Variants in PDE4D observed in about 807,000 individuals in gnomAD.
The protein encoded by PDE4D is 3',5'-cyclic-AMP phosphodiesterase 4D.
PDE4D carries 24 observed loss-of-function variants against 87.4 expected under a neutral mutation model. The ratio of observed to expected loss-of-function variants is 0.27; its 90% CI spans 0.20 to 0.39. The LOEUF (loss-of-function observed/expected upper bound fraction) is 0.39. PDE4D is among the 10% of genes least tolerant of loss of function. The pLI is 1.00. For missense variants in PDE4D, 714 were observed against 1,041.0 expected, an observed-to-expected ratio of 0.69 and a Z score of 4.32; for synonymous variants, 384 against 383.2, an observed-to-expected ratio of 1.00 and a Z score of -0.02.
chr5:59,756,001 T>C lies in PDE4D; in HGVS notation c.455+137167A>G, dbSNP rs1345187000. On this transcript the variant is annotated intron_variant, in intron 1 of 14. Coordinates refer to ENST00000340635, the MANE Select transcript of PDE4D (RefSeq NM_001104631.2). ...TCAAATTACTGCAATTTAAAAATGA[T>C]ATATATAATATTTAACTGTATAAAA... is the stretch of plus-strand genomic sequence containing the variant. Among the ~76,000 whole-genome samples, 4 of 151,520 alleles carry C rather than the reference T, an allele frequency of 2.6e-5. No homozygotes were observed. In the East Asian group the frequency reaches 7.7e-4, roughly 29 times the overall value.
intron 1 of PDE4D, among the ~76,000 whole-genome samples, chr5:59,460,864 G>A (rs915182849): frequency 1.3e-5 from 2 of 152,126 alleles, no homozygotes; most frequent in Non-Finnish European, 2.9e-5. Flanking sequence ...ATGCAGGGTC[G>A]GGGTGGTACA....
intron 1 of PDE4D, among the ~76,000 whole-genome samples, chr5:59,260,664 A>G (rs910069097): frequency 6.6e-5 from 10 of 151,824 alleles, no homozygotes; most frequent in African/African-American, 2.4e-4. Flanking sequence ...TCAGGAAATT[A>G]CTAACAATTT....
At chr5:59,307,887 T>C (rs1028217178) in intron 1 of PDE4D, among the ~76,000 whole-genome samples, 1 of 152,004 alleles carries the variant, frequency 6.6e-6, no homozygotes, top group Non-Finnish European at 1.5e-5. Context: ...CTATAAATCA[T>C]GCTGCTATAA....
rs796376607 is a variant in PDE4D at position 59,124,985 on chromosome 5, C to CT, written c.808+55609dup. On this transcript the variant is annotated intron_variant, in intron 5 of 14. Transcript: ENST00000340635. ...GGGTACATTTCTTTTCTTTTCTTTT[C>CT]TTTTTTTTTCAAATTAATTCCAAAA... Among the ~76,000 whole-genome samples the CT allele has an allele frequency of 1.7e-3, 229 of 134,894 alleles. 4 individuals are homozygous for CT. In the South Asian group the frequency reaches 0.038, roughly 22 times the overall value. The allele number at this position is 134,894 out of a possible 152,430, so 88.5% of individuals were successfully genotyped here. A position where few individuals can be genotyped will look rare whatever the true frequency, so the allele number is the denominator to read the frequency against.
At chr5:60,294,151 G>A (rs1753169150) in intron 1 of PDE4D, among the ~76,000 whole-genome samples, 1 of 152,086 alleles carries the variant, frequency 6.6e-6, no homozygotes. Flanking sequence ...GTATTTCTTT[G>A]TGGTTGTAAA....
chr5:59,788,583 C>T (rs1441901086), intron 1 of PDE4D, among the ~76,000 whole-genome samples: 3 of 152,198 alleles, frequency 2.0e-5, no homozygotes, highest in African/African-American at 4.8e-5. Flanking sequence ...GCTTGACTCC[C>T]TGGGTAACAA....
chr5:60,286,184 C>T (rs921049150), intron 1 of PDE4D, among the ~76,000 whole-genome samples: 2 of 152,174 alleles, frequency 1.3e-5, no homozygotes, highest in African/African-American at 4.8e-5. Context: ...CCACAAAAAA[C>T]TGTTTAAGAA....
chr5:59,784,689 T>A (rs187307442), intron 1 of PDE4D, among the ~76,000 whole-genome samples: 288 of 152,266 alleles, frequency 1.9e-3, no homozygotes, highest in African/African-American at 6.4e-3. Flanking sequence ...TAGCAATAAA[T>A]TGATATCAAG....
chr5:59,933,285 G>A (rs751880342), intron 3 of PDE4D, among the ~76,000 whole-genome samples: 2 of 152,116 alleles, frequency 1.3e-5, no homozygotes, highest in East Asian at 1.9e-4. Context: ...TACTCTTAAC[G>A]CTGAAAGTTT....
At chr5:59,349,350 T>C (rs550923257) in intron 1 of PDE4D, among the ~76,000 whole-genome samples, 117 of 152,196 alleles carry the variant, frequency 7.7e-4, no homozygotes, top group African/African-American at 2.7e-3. Flanking sequence ...AAGAACATGA[T>C]AGAAGCTGAG....
At chr5:59,015,421 T>A (rs2153369339) in intron 6 of PDE4D, among the ~76,000 whole-genome samples, 1 of 152,024 alleles carries the variant, frequency 6.6e-6, no homozygotes, top group Middle Eastern at 3.4e-3. Context: ...TTAAACAAAT[T>A]TACAAGAAAA....
intron 1 of PDE4D, among the ~76,000 whole-genome samples, chr5:59,599,723 G>T (rs1827227858): frequency 6.6e-6 from 1 of 151,970 alleles, no homozygotes; most frequent in South Asian, 2.1e-4. Flanking sequence ...TCCCAGCTGG[G>T]CCCACCACAG....
intron 2 of PDE4D, among the ~76,000 whole-genome samples, chr5:60,049,061 G>T (rs115718609): frequency 0.2 from 31,055 of 151,908 alleles, 3,616 homozygotes; most frequent in African/African-American, 0.34. Flanking sequence ...GGGTTTGCCC[G>T]TTTCTTTTTA....
Position 59,643,420 on chromosome 5 carries a change from T to C in PDE4D, c.455+249748A>G, listed in dbSNP as rs539891586. Among the ~76,000 whole-genome samples, 97 of 152,256 alleles carry C rather than the reference T, an allele frequency of 6.4e-4. 1 individual carries two copies. In the Middle Eastern group the frequency reaches 0.044, roughly 69 times the overall value. On this transcript the variant is annotated intron_variant, in intron 1 of 14. Transcript: ENST00000340635. ...GAAGGTGAAATTTCTGGGAAAAAGC[T>C]GGAGGAAGGAATGACAAAGACACGA...
intron 1 of PDE4D, among the ~76,000 whole-genome samples, chr5:60,355,357 A>G (rs992361069): frequency 1.3e-5 from 2 of 152,174 alleles, no homozygotes; most frequent in Non-Finnish European, 2.9e-5. Flanking sequence ...CTGGCTGCAC[A>G]ACTGGACAAG....
At chr5:60,296,205 A>G (rs1191911096) in intron 1 of PDE4D, among the ~76,000 whole-genome samples, 3 of 152,170 alleles carry the variant, frequency 2.0e-5, no homozygotes, top group Non-Finnish European at 4.4e-5. Flanking sequence ...GTTCTGACCC[A>G]TTCTTCTGGG....
intron 1 of PDE4D, among the ~76,000 whole-genome samples, chr5:60,510,912 G>T (rs1027092383): frequency 6.6e-6 from 1 of 152,104 alleles, no homozygotes; most frequent in African/African-American, 2.4e-5. Flanking sequence ...AATTATCCTT[G>T]GTAACAGCTT....
intron 1 of PDE4D, among the ~76,000 whole-genome samples, chr5:60,361,642 ATT>A (rs1427316750): frequency 6.6e-6 from 1 of 152,124 alleles, no homozygotes; most frequent in African/African-American, 2.4e-5. Flanking sequence ...GTCACATTCC[ATT>A]TCTACATGAG....
At chr5:59,975,751 C>T (rs1196042925) in intron 3 of PDE4D, among the ~76,000 whole-genome samples, 1 of 152,220 alleles carries the variant, frequency 6.6e-6, no homozygotes, top group Non-Finnish European at 1.5e-5. Context: ...AATTGGCATT[C>T]TGGTCTAGCC....
Sources: allele counts gnomAD v4.1 joint callset (sites outside exome capture counted in the v4.1 genomes callset), GRCh38; gene constraint gnomAD v4.1.1; transcripts MANE v1.5; gene names NCBI Gene and HGNC (gene_info 2026-07-23, HGNC 2026-07-21).